The following LRRC28 variants were observed in gnomAD, a reference collection of about 807,000 sequenced individuals.
LRRC28 encodes the protein leucine-rich repeat-containing protein 28.
LRRC28 carries 39 observed loss-of-function variants against 45.7 expected under a neutral mutation model. The observed-to-expected ratio is 0.85, with a 90% CI of 0.66 to 1.12. The LOEUF (loss-of-function observed/expected upper bound fraction) is 1.12. Ranked by LOEUF, LRRC28 falls within the 50% of genes most tolerant of loss-of-function variation. The pLI, the probability that LRRC28 is intolerant of heterozygous loss-of-function variation, is 0.00. For missense variants in LRRC28, 435 were observed against 438.5 expected, an observed-to-expected ratio of 0.99 and a Z score of 0.07; for synonymous variants, 206 against 178.8, an observed-to-expected ratio of 1.15 and a Z score of -1.22.
At chr15:99,347,442 C>G (rs759244225) in intron 6 of LRRC28, among the ~76,000 whole-genome samples, 1 of 152,154 alleles carries the variant, frequency 6.6e-6, no homozygotes, top group Non-Finnish European at 1.5e-5. Flanking sequence ...CTCCTGACCT[C>G]GTGATCTGCC....
At chr15:99,358,282 T>G (rs1297108112) in intron 7 of LRRC28, among the ~76,000 whole-genome samples, 1 of 152,164 alleles carries the variant, frequency 6.6e-6, no homozygotes, top group African/African-American at 2.4e-5. Flanking sequence ...TGTGAAATTT[T>G]TATTAAAGGA....
At chr15:99,333,776 A>T (rs1956230371) in intron 5 of LRRC28, 147 bp from the exon 6 acceptor site, 1 of 807,956 alleles carries the variant, frequency 1.2e-6, no homozygotes, top group Non-Finnish European at 2.0e-6. Context: ...TTGCATTTTC[A>T]CCAAAAATCC....
chr15:99,293,969 AAG>A (rs1280426130), intron 5 of LRRC28, among the ~76,000 whole-genome samples: 1 of 152,210 alleles, frequency 6.6e-6, no homozygotes, highest in African/African-American at 2.4e-5. Flanking sequence ...CTGGATTGAC[AAG>A]ACTTTTTTCT....
intron 5 of LRRC28, among the ~76,000 whole-genome samples, chr15:99,301,729 A>C (rs1478488821): frequency 6.6e-6 from 1 of 152,186 alleles, no homozygotes; most frequent in Non-Finnish European, 1.5e-5. Flanking sequence ...TCTGCTGCTA[A>C]AAGAGGTGAC....
chr15:99,272,721 A>G (rs1457043129), intron 2 of LRRC28, among the ~76,000 whole-genome samples: 1 of 152,218 alleles, frequency 6.6e-6, no homozygotes, highest in African/African-American at 2.4e-5. Flanking sequence ...GATTTAATGA[A>G]GAGAATCCTT....
chr15:99,331,759 A>T (rs1294297043), intron 5 of LRRC28: 1 of 152,106 alleles, frequency 6.6e-6, no homozygotes, highest in Non-Finnish European at 1.5e-5. Flanking sequence ...CTGGTCCCCA[A>T]AGAGCCCATT....
At chr15:99,266,027 AAG>A (rs1166645780) in intron 2 of LRRC28, among the ~76,000 whole-genome samples, 1 of 152,196 alleles carries the variant, frequency 6.6e-6, no homozygotes, top group African/African-American at 2.4e-5. Flanking sequence ...ATTTTAATGA[AAG>A]AGGGGAGTTT....
At chr15:99,324,664 G>A (rs2152282020) in intron 5 of LRRC28, among the ~76,000 whole-genome samples, 1 of 152,186 alleles carries the variant, frequency 6.6e-6, no homozygotes, top group South Asian at 2.1e-4. Flanking sequence ...TTACTATGTG[G>A]CAATAATAAA....
intron 5 of LRRC28, among the ~76,000 whole-genome samples, chr15:99,292,359 C>CTTTTTTT (rs35435895): frequency 7.5e-6 from 1 of 133,136 alleles, no homozygotes; most frequent in African/African-American, 2.8e-5. Flanking sequence ...ATCGTACAGT[C>CTTTTTTT]TTTTTTTTTT....
rs530560795 is a variant in LRRC28, at chr15:99,343,559, A to G, written c.593-8810A>G. Among the ~76,000 whole-genome samples, 4 of 152,364 alleles carry G rather than the reference A, an allele frequency of 2.6e-5. 1 individual carries two copies. The highest frequency in any genetic ancestry group is 7.2e-5 in the African/African-American group (3 of 41,596). ...AAAAAGGAAATATTTTGGACACAAT[A>G]CAGTACTTTAAAAAGCCACATGAAA... On this transcript the variant is annotated intron_variant, in intron 6 of 9. Coordinates refer to ENST00000301981, the MANE Select transcript of LRRC28 (RefSeq NM_144598.5).
chr15:99,362,726 A>T (rs1957237463), intron 8 of LRRC28, among the ~76,000 whole-genome samples: 1 of 152,214 alleles, frequency 6.6e-6, no homozygotes, highest in Non-Finnish European at 1.5e-5. Flanking sequence ...GAACTTAATG[A>T]AACTCAGTTT....
intron 6 of LRRC28, among the ~76,000 whole-genome samples, chr15:99,349,584 T>C (rs1009006908): frequency 2.0e-5 from 3 of 152,058 alleles, no homozygotes; most frequent in African/African-American, 7.3e-5. Flanking sequence ...AAAGATAAAT[T>C]GGAAGACTTT....
chr15:99,350,295 G>T (rs986404343), intron 6 of LRRC28, among the ~76,000 whole-genome samples: 4 of 152,212 alleles, frequency 2.6e-5, no homozygotes, highest in African/African-American at 9.6e-5. Context: ...GTAAATTGTT[G>T]TAACCCTTTT....
chr15:99,267,545 C>G (rs2081363822), intron 2 of LRRC28, among the ~76,000 whole-genome samples: 1 of 152,138 alleles, frequency 6.6e-6, no homozygotes, highest in Admixed American at 6.5e-5. Flanking sequence ...TTGCACTGTT[C>G]TTGAGCTAGC....
chr15:99,337,311 T>C (rs554517932), intron 6 of LRRC28, among the ~76,000 whole-genome samples: 3 of 152,348 alleles, frequency 2.0e-5, no homozygotes, highest in Non-Finnish European at 4.4e-5. Flanking sequence ...AGTGACGCTG[T>C]GTGTCATGCT....
At chr15:99,326,335 A>G (rs1446894784) in intron 5 of LRRC28, among the ~76,000 whole-genome samples, 1 of 152,234 alleles carries the variant, frequency 6.6e-6, no homozygotes, top group Non-Finnish European at 1.5e-5. Context: ...ATCACATTCT[A>G]GTTTATTCTT....
At chr15:99,383,035 C>T (rs999952509) in intron 9 of LRRC28, among the ~76,000 whole-genome samples, 2 of 152,138 alleles carry the variant, frequency 1.3e-5, no homozygotes, top group South Asian at 2.1e-4. Flanking sequence ...GTACATTCAG[C>T]GATATGCGCA....
chr15:99,311,979 G>A (rs973382378), intron 5 of LRRC28, among the ~76,000 whole-genome samples: 4 of 152,062 alleles, frequency 2.6e-5, no homozygotes, highest in African/African-American at 9.7e-5. Context: ...ATATTGACCT[G>A]AAATATATTG....
At chr15:99,277,210 A>C (rs183513175) in intron 3 of LRRC28, among the ~76,000 whole-genome samples, 153 of 151,940 alleles carry the variant, frequency 1.0e-3, no homozygotes, top group African/African-American at 3.6e-3. Context: ...TTGCATTGCT[A>C]TTTCTTGTAC....
Sources: allele counts gnomAD v4.1 joint callset (sites outside exome capture counted in the v4.1 genomes callset), GRCh38; gene constraint gnomAD v4.1.1; transcripts MANE v1.5; gene names NCBI Gene and HGNC (gene_info 2026-07-23, HGNC 2026-07-21).